The following MAP4K4 variants were observed in gnomAD, a reference collection of about 807,000 sequenced individuals.
MAP4K4 encodes HPK/GCK-like kinase HGK.
In MAP4K4, 38 loss-of-function variants were observed where a neutral mutation model predicts 189.6. The ratio of observed to expected loss-of-function variants is 0.20; its 90% CI spans 0.15 to 0.26. The LOEUF (loss-of-function observed/expected upper bound fraction) is 0.26, where lower values mean the gene tolerates loss of function less well. Ranked by LOEUF, MAP4K4 falls within the 10% of genes least tolerant of loss-of-function variation. MAP4K4 has a pLI of 1.00. For missense variants in MAP4K4, 1,054 were observed against 1,726.9 expected, an observed-to-expected ratio of 0.61 and a Z score of 6.91; for synonymous variants, 610 against 624.3, an observed-to-expected ratio of 0.98 and a Z score of 0.34.
At chr2:101,793,669 T>C (rs2093309557) in intron 3 of MAP4K4, among the ~76,000 whole-genome samples, 1 of 151,844 alleles carries the variant, frequency 6.6e-6, no homozygotes, top group Non-Finnish European at 1.5e-5. Context: ...TTCTGACTCT[T>C]TAGGTGAAAG....
intron 2 of MAP4K4, among the ~76,000 whole-genome samples, chr2:101,732,303 T>G (rs2058785446): frequency 6.6e-6 from 1 of 152,112 alleles, no homozygotes; most frequent in Non-Finnish European, 1.5e-5. Flanking sequence ...AGGAGTGTAA[T>G]CAAGATGGGC....
rs184764587 is a variant in MAP4K4 at position 101,784,885 on chromosome 2, G to A, written c.124-5835G>A. Reference sequence around the variant, plus strand: ...TGTGACTCTTGAGCTTGTTAACCTAGCCCCCTCTGAGCTTTAGTTTCTCCA... The same window carrying A: ...TGTGACTCTTGAGCTTGTTAACCTAACCCCCTCTGAGCTTTAGTTTCTCCA... On this transcript the variant is annotated intron_variant, in intron 2 of 32. Coordinates refer to ENST00000324219, the Ensembl canonical transcript of MAP4K4. Among the ~76,000 whole-genome samples, 150 of 152,216 alleles carry A rather than the reference G, an allele frequency of 9.9e-4. 1 individual carries two copies. Among genetic ancestry groups the A allele is most frequent in the Admixed American group, 8.9e-3 (136 of 15,294 alleles).
At chr2:101,845,182 T>TA (rs1420085180) in intron 12 of MAP4K4, among the ~76,000 whole-genome samples, 7 of 131,114 alleles carry the variant, frequency 5.3e-5, no homozygotes, top group Admixed American at 3.1e-4. Flanking sequence ...AAAAAAAAAA[T>TA]AAAAATAAAA....
intron 5 of MAP4K4, among the ~76,000 whole-genome samples, chr2:101,828,968 A>G (rs561721394): frequency 6.6e-6 from 1 of 152,360 alleles, no homozygotes; most frequent in African/African-American, 2.4e-5. Flanking sequence ...TTTGAACACA[A>G]GGCTCTTTTG....
intron 12 of MAP4K4, among the ~76,000 whole-genome samples, chr2:101,851,509 A>T (rs1481466106): frequency 6.6e-6 from 1 of 152,104 alleles, no homozygotes; most frequent in Non-Finnish European, 1.5e-5. Context: ...TGAAGTTCTA[A>T]TGCAAGAGGC....
chr2:101,766,057 T>C (rs2078504999), intron 2 of MAP4K4, among the ~76,000 whole-genome samples: 1 of 152,232 alleles, frequency 6.6e-6, no homozygotes, highest in Non-Finnish European at 1.5e-5. Context: ...TCATTGGCCC[T>C]GGCTGTCTCA....
intron 3 of MAP4K4, among the ~76,000 whole-genome samples, chr2:101,810,544 GTTACTTAC>G (rs1322518785): frequency 3.3e-5 from 5 of 151,966 alleles, no homozygotes; most frequent in Non-Finnish European, 5.9e-5. Context: ...TCCAGGATTT[GTTACTTAC>G]TGTATCCCTC....
chr2:101,740,151 CTTTTTTTTT>C (rs71250687), intron 2 of MAP4K4, among the ~76,000 whole-genome samples: 2 of 87,224 alleles, frequency 2.3e-5, no homozygotes, highest in African/African-American at 9.3e-5. Flanking sequence ...TTTATATCAT[CTTTTTTTTT>C]TTTTTTTTTT....
chr2:101,855,407 GA>G (rs541170737), intron 12 of MAP4K4, among the ~76,000 whole-genome samples: 199 of 152,240 alleles, frequency 1.3e-3, no homozygotes, highest in Middle Eastern at 3.4e-3. Context: ...AAAGTAAGTG[GA>G]ATAGAAATAT....
At chr2:101,729,076 AG>A (rs770361800) in intron 2 of MAP4K4, among the ~76,000 whole-genome samples, 685 of 38,936 alleles carry the variant, frequency 0.018, 3 homozygotes, top group Middle Eastern at 0.073. Context: ...GATTAGAGAG[AG>A]GAGAGAGAGA....
At chr2:101,798,024 TC>T (rs1245980101) in intron 3 of MAP4K4, among the ~76,000 whole-genome samples, 4 of 150,038 alleles carry the variant, frequency 2.7e-5, no homozygotes, top group Non-Finnish European at 4.4e-5. Context: ...ACTCAAATGA[TC>T]CCCCCCATCT....
chr2:101,864,874 A>C (rs1577020428), intron 17 of MAP4K4, 56 bp from the exon 18 acceptor site: 1 of 1,160,746 alleles, frequency 8.6e-7, no homozygotes. Context: ...GTAGGGAAGT[A>C]TTTTTTTTCC....
At chr2:101,807,297 G>C (rs1317255988) in intron 3 of MAP4K4, among the ~76,000 whole-genome samples, 1 of 151,944 alleles carries the variant, frequency 6.6e-6, no homozygotes, top group Non-Finnish European at 1.5e-5. Flanking sequence ...GGGCTCAAGG[G>C]CTCACGCAGT....
At chr2:101,804,888 A>G (rs369146935) in intron 3 of MAP4K4, among the ~76,000 whole-genome samples, 11 of 152,016 alleles carry the variant, frequency 7.2e-5, no homozygotes, top group East Asian at 3.9e-4. Context: ...AGCCTGGCCA[A>G]TGTGTTGAAA....
intron 18 of MAP4K4, among the ~76,000 whole-genome samples, chr2:101,866,058 GA>G (rs1183282817): frequency 3.3e-5 from 5 of 152,194 alleles, no homozygotes; most frequent in African/African-American, 1.2e-4. Flanking sequence ...CAGCAGCCTA[GA>G]AACAGAATAT....
At chr2:101,889,000 G>A in intron 32 of MAP4K4, 65 bp downstream of exon 32, 1 of 1,333,224 alleles carries the variant, frequency 7.5e-7, no homozygotes, top group East Asian at 2.5e-5. Context: ...GTTTTCCATG[G>A]AGTTTGATGA....
At chr2:101,805,304 G>A (rs891921697) in intron 3 of MAP4K4, among the ~76,000 whole-genome samples, 2 of 152,050 alleles carry the variant, frequency 1.3e-5, no homozygotes, top group Non-Finnish European at 2.9e-5. Context: ...ACACTGTCCT[G>A]ACTTCTCTCA....
intron 2 of MAP4K4, among the ~76,000 whole-genome samples, chr2:101,732,299 G>A (rs1246375082): frequency 6.6e-6 from 1 of 152,148 alleles, no homozygotes; most frequent in Admixed American, 6.5e-5. Flanking sequence ...CCTCAGGAGT[G>A]TAATCAAGAT....
intron 3 of MAP4K4, among the ~76,000 whole-genome samples, chr2:101,820,047 G>A (rs140045756): frequency 1.0e-3 from 155 of 152,340 alleles, no homozygotes; most frequent in African/African-American, 3.6e-3. Context: ...TTAACTCAGT[G>A]AACTGTGAAA....
Sources: allele counts gnomAD v4.1 joint callset (sites outside exome capture counted in the v4.1 genomes callset), GRCh38; gene constraint gnomAD v4.1.1; transcripts MANE v1.5; gene names NCBI Gene and HGNC (gene_info 2026-07-23, HGNC 2026-07-21).